DEF6: variants seen among roughly 807,000 people sequenced by gnomAD.
The protein encoded by DEF6 is differentially expressed in FDCP 6 homolog.
A neutral mutation model predicts 80.5 loss-of-function variants in DEF6; 32 were observed. That is an observed-to-expected ratio of 0.40 (90% CI 0.30 to 0.53). The LOEUF (loss-of-function observed/expected upper bound fraction) is 0.53, where lower values mean the gene tolerates loss of function less well. Ranked by LOEUF, DEF6 falls within the 20% of genes least tolerant of loss-of-function variation. The probability of loss-of-function intolerance (pLI) is 0.57; values close to 1 mark genes in which losing one functional copy is unlikely to be tolerated. For synonymous variants in DEF6, 300 were observed against 337.9 expected (o/e 0.89, Z 1.23); for missense variants, 575 against 818.7 (o/e 0.70, Z 3.63).
intron 1 of DEF6, among the ~76,000 whole-genome samples, chr6:35,298,633 A>T (rs1309250770): frequency 2.0e-5 from 3 of 152,192 alleles, no homozygotes; most frequent in Admixed American, 1.3e-4. Context: ...GATTGTCCTG[A>T]AGTCAATCAT....
In DEF6 at chr6:35,319,184, T is replaced by A. The variant is rs1280253151; in HGVS notation, c.1216-340T>A. On this transcript the variant is annotated intron_variant, in intron 7 of 10. Transcript: ENST00000316637. The surrounding 1 kb of genome is among the most constrained non-coding windows in gnomAD (Gnocchi z 4.5). ...ATGATTATAACATATTATTATATAT[T>A]ATAATAATTATTAAGTTAGTGCTAG... Among the ~76,000 whole-genome samples, 1 of 151,628 alleles carries A rather than the reference T, an allele frequency of 6.6e-6. No homozygotes were observed. The highest frequency in any genetic ancestry group is 1.5e-5 in the Non-Finnish European group (1 of 67,978).
chr6:35,312,835 A>C lies in DEF6; in HGVS notation c.807+63A>C. 18 of 1,534,122 alleles carry C rather than the reference A, an allele frequency of 1.2e-5. No individual in the cohort carries two copies. Among genetic ancestry groups the C allele is most frequent in the Non-Finnish European group, 1.6e-5 (18 of 1,127,760 alleles). On this transcript the variant is annotated intron_variant, in intron 5 of 10. Transcript: ENST00000316637. This position sits in a 1 kb window ranked among gnomAD's most constrained non-coding sequence, Gnocchi z 6.6. ...CCAGAGTGTCCTCAGGGGCATGAGA[A>C]GACAAGGGGGTCAGGAGAGGGGCAA... is the stretch of plus-strand genomic sequence containing the variant.
chr6:35,319,705 C>G lies in DEF6; in HGVS notation c.1382+15C>G. On this transcript the variant is annotated intron_variant, in intron 8 of 10. Coordinates refer to ENST00000316637, the MANE Select transcript of DEF6 (RefSeq NM_022047.4). The surrounding 1 kb of genome is among the most constrained non-coding windows in gnomAD (Gnocchi z 4.5). ...GCTCAGACCAGGTAGGCCTGAGGAA[C>G]CTCTTCTGGTTCTCTCACCACCCCT... 6.2e-7 allele frequency: 1 copy of G among 1,606,618 alleles called. No homozygotes were observed. Among genetic ancestry groups the G allele is most frequent in the Non-Finnish European group, 8.5e-7 (1 of 1,174,730 alleles).
intron 1 of DEF6, among the ~76,000 whole-genome samples, chr6:35,309,351 A>C (rs779123286): frequency 6.6e-6 from 1 of 152,232 alleles, no homozygotes; most frequent in Non-Finnish European, 1.5e-5. Flanking sequence ...GAAGTGGCTA[A>C]GAGTATAACT....
chr6:35,308,932 C>T (rs1013956936), intron 1 of DEF6, among the ~76,000 whole-genome samples: 3 of 152,092 alleles, frequency 2.0e-5, no homozygotes. Context: ...CCCCTTTATT[C>T]TAATATCATG....
intron 1 of DEF6, among the ~76,000 whole-genome samples, chr6:35,298,882 A>T (rs1322917360): frequency 6.6e-6 from 1 of 152,186 alleles, no homozygotes; most frequent in Non-Finnish European, 1.5e-5. Flanking sequence ...TGTGCCTGGC[A>T]TGTGGCTAGG....
intron 5 of DEF6, 122 bp from the exon 6 acceptor site, chr6:35,317,769 A>C: frequency 1.4e-5 from 10 of 718,718 alleles, no homozygotes; most frequent in South Asian, 1.9e-5. Context: ...GGCTCCTGGC[A>C]GAGTGGGGTC....
rs1167577865 is a variant in DEF6, at chr6:35,321,300, C to T, written c.1786C>T (p.Pro596Ser). 2 of 1,613,980 alleles carry T rather than the reference C, an allele frequency of 1.2e-6. No homozygotes were observed. The highest frequency in any genetic ancestry group is 1.3e-5 in the African/African-American group (1 of 74,910). The change falls in exon 11 of 11, where the codon CCC (proline) becomes TCC (serine). Residue 596 changes from proline (P) to serine (S), a missense_variant. Pro to Ser is a moderately conservative substitution (Grantham distance 74). Transcript: ENST00000316637. ...TRWGSQGNRTPSPNSNEQQKS... is the reference protein window; with the variant it reads ...TRWGSQGNRTSSPNSNEQQKS... ...CTGGGGATCCCAGGGCAACAGGACC[C>T]CCTCGCCCAACAGCAATGAGCAGCA...
Position 35,319,675 on chromosome 6 carries a change from G to A in DEF6, c.1367G>A (p.Arg456Gln). 6 of 1,612,400 alleles carry A rather than the reference G, an allele frequency of 3.7e-6. No individual in the cohort carries two copies. The highest frequency in any genetic ancestry group is 4.2e-6 in the Non-Finnish European group (5 of 1,178,888). Residue 456 changes from arginine to glutamine, a missense_variant, in exon 8 of 11, where the codon CGA becomes CAA. Arg to Gln is a conservative substitution (Grantham distance 43). Coordinates refer to ENST00000316637, the MANE Select transcript of DEF6 (RefSeq NM_022047.4). The surrounding 1 kb of genome is among the most constrained non-coding windows in gnomAD (Gnocchi z 4.5). ...GCTCGGCGAGATGAAGAATCTGTGC[G>A]AATCGCTCAGACCAGGTAGGCCTGA... ...VKARRDEESV[R>Q]IAQTRLLEEE... is the part of the protein sequence containing the mutation.
Position 35,317,983 on chromosome 6 carries a change from C to A in DEF6, c.900C>A (p.Arg300=), listed in dbSNP as rs1791541981. The change falls in exon 6 of 11, where the codon CGC becomes CGA. Residue 300 remains arginine, a synonymous_variant. Coordinates refer to ENST00000316637, the MANE Select transcript of DEF6 (RefSeq NM_022047.4). ...YEMSASDTRQ[R]QEWTAAIQMA... is the part of the protein sequence containing the mutation. ...TGAGCGCCTCAGACACGCGCCAGCG[C>A]CAGGAGTGGACAGCTGGTGAGTGCT... 6.2e-7 allele frequency: 1 copy of A among 1,613,692 alleles called. No homozygotes were observed. The highest frequency in any genetic ancestry group is 8.5e-7 in the Non-Finnish European group (1 of 1,179,884).
intron 1 of DEF6, among the ~76,000 whole-genome samples, chr6:35,302,807 G>C (rs993115039): frequency 2.6e-5 from 4 of 152,188 alleles, no homozygotes; most frequent in African/African-American, 9.7e-5. Context: ...AGTTCTCTGG[G>C]TGATTGTGGT....
In DEF6 at chr6:35,319,478, G is replaced by T; in HGVS notation, c.1216-46G>T. 1 of 1,507,174 alleles carries T rather than the reference G, an allele frequency of 6.6e-7. No homozygotes were observed. 93.4% of individuals were successfully genotyped at this position (1,507,174 alleles called of 1,614,324 possible). On this transcript the variant is annotated intron_variant, in intron 7 of 10. Transcript: ENST00000316637. The surrounding 1 kb of genome is among the most constrained non-coding windows in gnomAD (Gnocchi z 4.5). The stretch of plus-strand genomic sequence containing the variant: ...ACCCCCTCCTCCTCCGCCCCCACGT[G>T]CCCCTTTTGACCTGGCTCTTGGTCC...
chr6:35,307,400 A>G (rs1258763981), intron 1 of DEF6, among the ~76,000 whole-genome samples: 1 of 152,274 alleles, frequency 6.6e-6, no homozygotes, highest in Non-Finnish European at 1.5e-5. Context: ...ACGCGTCTCA[A>G]AAAAAGATAA....
Position 35,318,141 on chromosome 6 carries a change from G to C in DEF6, c.917-32G>C. 6.5e-7 allele frequency: 1 copy of C among 1,535,978 alleles called. No homozygotes were observed. Among genetic ancestry groups the C allele is most frequent in the Non-Finnish European group, 8.7e-7 (1 of 1,143,276 alleles). ...AGGCCCCTTTCGGGCCGTGTGCGAG[G>C]ATCCTACTGACCCGCTCCCGCTCTT... is the stretch of plus-strand genomic sequence containing the variant. On this transcript the variant is annotated intron_variant, in intron 6 of 10. Coordinates refer to ENST00000316637, the MANE Select transcript of DEF6 (RefSeq NM_022047.4). The surrounding 1 kb of genome is among the most constrained non-coding windows in gnomAD (Gnocchi z 5.1).
chr6:35,299,613 C>G lies in DEF6; in HGVS notation c.96+1661C>G, dbSNP rs555615461. 4.8e-4 allele frequency among the ~76,000 whole-genome samples: 73 copies of G among 152,312 alleles called. 1 individual carries two copies. The highest frequency in any genetic ancestry group is 1.5e-3 in the Admixed American group (23 of 15,298). On this transcript the variant is annotated intron_variant, in intron 1 of 10. Transcript: ENST00000316637. ...GGTTGCGTATTTCTAGGGAAATACT[C>G]CATGGAGAGCTTGCATGCTTGAACT...
intron 1 of DEF6, among the ~76,000 whole-genome samples, chr6:35,305,767 T>C (rs572985948): frequency 1.4e-4 from 22 of 152,274 alleles, no homozygotes; most frequent in African/African-American, 5.1e-4. Context: ...GAGATGAGGT[T>C]TCGCCATGCT....
chr6:35,302,374 A>G (rs1345953885), intron 1 of DEF6, among the ~76,000 whole-genome samples: 20 of 152,022 alleles, frequency 1.3e-4, no homozygotes. Context: ...AAAAAAGTCA[A>G]TTTAGGAGAG....
chr6:35,308,026 A>G (rs1279109855), intron 1 of DEF6, among the ~76,000 whole-genome samples: 1 of 152,194 alleles, frequency 6.6e-6, no homozygotes, highest in Admixed American at 6.5e-5. Flanking sequence ...ATGAACAGAG[A>G]CCTTGTCTCC....
At chr6:35,317,756 G>T in intron 5 of DEF6, 135 bp from the exon 6 acceptor site, 3 of 646,514 alleles carry the variant, frequency 4.6e-6, no homozygotes, top group Non-Finnish European at 2.6e-6. Flanking sequence ...TGCAAGCCAT[G>T]CAGGCTCCTG....
Sources: gnomAD v4.1 joint callset for allele counts (sites outside exome capture counted in the v4.1 genomes callset) on GRCh38, gnomAD v4.1.1 for gene constraint, Gnocchi (gnomAD v3.1) non-coding constraint, MANE v1.5 for transcripts, NCBI Gene and HGNC (gene_info 2026-07-23, HGNC 2026-07-21) for gene names.